Variants in TMEM150C observed in about 807,000 individuals in gnomAD.
The protein encoded by TMEM150C is transmembrane protein 150C, also known as tentonin 3.
In TMEM150C, 10 loss-of-function variants were observed where a neutral mutation model predicts 29.9. The ratio of observed to expected loss-of-function variants is 0.33; its 90% CI spans 0.21 to 0.57. TMEM150C has a LOEUF of 0.57. Among genes scored for constraint, TMEM150C ranks in the 20% least tolerant of loss-of-function variants. The pLI, the probability that TMEM150C is intolerant of heterozygous loss-of-function variation, is 0.88. For synonymous variants in TMEM150C, 101 were observed against 112.5 expected, an observed-to-expected ratio of 0.90 and a Z score of 0.64; for missense variants, 251 against 303.6, an observed-to-expected ratio of 0.83 and a Z score of 1.29.
chr4:82,518,019 A>G (rs1724349688), intron 1 of TMEM150C, among the ~76,000 whole-genome samples: 1 of 152,196 alleles, frequency 6.6e-6, no homozygotes, highest in Non-Finnish European at 1.5e-5. Flanking sequence ...AAATATTCTC[A>G]GAAAGTAGTG....
intron 5 of TMEM150C, among the ~76,000 whole-genome samples, chr4:82,497,938 C>T (rs772368119): frequency 5.3e-5 from 8 of 152,120 alleles, no homozygotes; most frequent in Non-Finnish European, 5.9e-5. Context: ...AGACTCAACA[C>T]AGGCACTACA....
At chr4:82,556,602 A>G (rs1478962099) in intron 1 of TMEM150C, among the ~76,000 whole-genome samples, 2 of 152,166 alleles carry the variant, frequency 1.3e-5, no homozygotes, top group African/African-American at 4.8e-5. Context: ...TCCCTTGAGG[A>G]CAGGAGTTCA....
chr4:82,522,558 G>C (rs781271151), intron 1 of TMEM150C, among the ~76,000 whole-genome samples: 3 of 152,226 alleles, frequency 2.0e-5, no homozygotes, highest in Non-Finnish European at 2.9e-5. Flanking sequence ...ATGGTCTTCA[G>C]CTTCTGCATA....
At chr4:82,504,497 G>A (rs1000716182) in intron 2 of TMEM150C, 81 bp downstream of exon 2, 66 of 1,189,512 alleles carry the variant, frequency 5.5e-5, no homozygotes, top group Admixed American at 4.4e-4. Context: ...CACCGTGCCC[G>A]GCTGCCATAT....
chr4:82,486,751 A>C (rs1261187103), intron 7 of TMEM150C, among the ~76,000 whole-genome samples: 1 of 152,096 alleles, frequency 6.6e-6, no homozygotes, highest in Non-Finnish European at 1.5e-5. Context: ...CCATCATTAA[A>C]AAAAGAAAAA....
upstream of TMEM150C, chr4:82,562,222 C>A: frequency 7.8e-7 from 1 of 1,285,174 alleles, no homozygotes; most frequent in Non-Finnish European, 1.0e-6. Flanking sequence ...TTTGTGGACG[C>A]GTTTGCCTGG....
At position 82,511,472 on chromosome 4, in the gene TMEM150C, A is replaced by ATT. The variant is rs397935719; in HGVS notation, c.-10-6807_-10-6806dup. 2.2e-3 allele frequency among the ~76,000 whole-genome samples: 233 copies of ATT among 106,348 alleles called. 8 individuals are homozygous for ATT. The highest frequency in any genetic ancestry group is 6.7e-3 in the African/African-American group (173 of 25,706). The allele number at this position is 106,348 out of a possible 152,430, so 69.8% of individuals were successfully genotyped here. A position where few individuals can be genotyped will look rare whatever the true frequency, so the allele number is the denominator to read the frequency against. On this transcript the variant is annotated intron_variant, in intron 1 of 7. Transcript: ENST00000449862. ...CAATGGAGCACATTGTCCCAACACT[A>ATT]TTTTTTTTTTTTTTTTTTTTGAGAT...
intron 6 of TMEM150C, among the ~76,000 whole-genome samples, chr4:82,492,326 C>T (rs1578120686): frequency 6.6e-6 from 1 of 151,314 alleles, no homozygotes. Context: ...CGGGGTTTCA[C>T]CATGTTGACC....
At chr4:82,519,131 C>G (rs1177342664) in intron 1 of TMEM150C, among the ~76,000 whole-genome samples, 6 of 152,198 alleles carry the variant, frequency 3.9e-5, no homozygotes, top group African/African-American at 7.2e-5. Context: ...CAGTAAAGAA[C>G]AGCAATCTGC....
At chr4:82,518,876 G>GTT (rs2110077543) in intron 1 of TMEM150C, among the ~76,000 whole-genome samples, 2 of 152,306 alleles carry the variant, frequency 1.3e-5, no homozygotes, top group African/African-American at 4.8e-5. Flanking sequence ...TAGCTCATCA[G>GTT]TTATTAGATA....
intron 6 of TMEM150C, among the ~76,000 whole-genome samples, chr4:82,490,669 G>A (rs1377472850): frequency 1.3e-5 from 2 of 151,990 alleles, no homozygotes; most frequent in Admixed American, 6.6e-5. Context: ...GCGTGATCAC[G>A]GCTCCCTGGC....
chr4:82,532,779 A>G (rs1004584610), intron 1 of TMEM150C, among the ~76,000 whole-genome samples: 7 of 150,198 alleles, frequency 4.7e-5, no homozygotes, highest in Admixed American at 4.7e-4. Context: ...CCCAGGCTGG[A>G]GTGCAGTGGC....
At chr4:82,559,176 C>T (rs1298118396) in intron 1 of TMEM150C, among the ~76,000 whole-genome samples, 1 of 152,126 alleles carries the variant, frequency 6.6e-6, no homozygotes, top group East Asian at 1.9e-4. Context: ...TCGGACTCAG[C>T]CCACATGCAC....
chr4:82,562,139 C>G (rs962225280), upstream of TMEM150C: 3 of 1,267,678 alleles, frequency 2.4e-6, no homozygotes, highest in African/African-American at 4.7e-5. Flanking sequence ...CTTCTGCCAC[C>G]CCCCCGGGGC....
chr4:82,530,383 C>T (rs1405694205), intron 1 of TMEM150C, among the ~76,000 whole-genome samples: 1 of 152,030 alleles, frequency 6.6e-6, no homozygotes, highest in Admixed American at 6.6e-5. Flanking sequence ...CAGTGAAACC[C>T]CGTCTCTACT....
chr4:82,504,349 G>A lies in TMEM150C; in HGVS notation c.80+229C>T, dbSNP rs142404788. ...CCCCCGAGTAGCTGGGATTACAGGC[G>A]TGTGCCATCACACCCGGCTAACTTC... On this transcript the variant is annotated intron_variant, in intron 2 of 7. Transcript: ENST00000449862. Among the ~76,000 whole-genome samples, 23 of 152,146 alleles carry A rather than the reference G, an allele frequency of 1.5e-4. No individual in the cohort carries two copies. In the East Asian group the frequency reaches 2.9e-3, roughly 19 times the overall value.
In TMEM150C at chr4:82,521,062, G is replaced by T. The variant is rs559703100; in HGVS notation, c.-10-16395C>A. The stretch of plus-strand genomic sequence containing the variant: ...CATATGGTGTACTGTCCCCTGTCCC[G>T]CCAGAAAGGCACATGGCTGCTCCCT... On this transcript the variant is annotated intron_variant, in intron 1 of 7. Transcript: ENST00000449862. Among the ~76,000 whole-genome samples, 12 of 152,084 alleles carry T rather than the reference G, an allele frequency of 7.9e-5. No homozygotes were observed. The South Asian group carries it at 2.3e-3, about 29-fold the overall frequency.
At chr4:82,528,492 A>C (rs1349760995) in intron 1 of TMEM150C, among the ~76,000 whole-genome samples, 1 of 152,222 alleles carries the variant, frequency 6.6e-6, no homozygotes, top group Non-Finnish European at 1.5e-5. Context: ...CAAACAGAGC[A>C]GAGGCAAATG....
In TMEM150C at chr4:82,504,564, G is replaced by T. The variant is rs191443016; in HGVS notation, c.80+14C>A. 453 of 1,602,936 alleles carry T rather than the reference G, an allele frequency of 2.8e-4. 1 individual carries two copies. In the East Asian group the frequency reaches 6.9e-3, roughly 24 times the overall value. The stretch of plus-strand genomic sequence containing the variant: ...CACCTGAATCCTTAAATAATTAAAT[G>T]AGCAAATACTCACACTATCCACAAT... On this transcript the variant is annotated intron_variant, in intron 2 of 7. Transcript: ENST00000449862.
Sources: gnomAD v4.1 joint callset for allele counts (sites outside exome capture counted in the v4.1 genomes callset) on GRCh38, gnomAD v4.1.1 for gene constraint, MANE v1.5 for transcripts, NCBI Gene and HGNC (gene_info 2026-07-23, HGNC 2026-07-21) for gene names.